Variants in ANKRD12 observed in about 807,000 individuals in gnomAD.
The protein encoded by ANKRD12 is ankyrin repeat domain-containing protein 12.
A neutral mutation model predicts 183.4 loss-of-function variants in ANKRD12; 85 were observed. The observed-to-expected ratio is 0.46, with a 90% CI of 0.39 to 0.56. The LOEUF (loss-of-function observed/expected upper bound fraction) is 0.56. ANKRD12 is among the 20% of genes least tolerant of loss of function. The pLI is 0.00. For synonymous variants in ANKRD12, 914 were observed against 800.2 expected, an observed-to-expected ratio of 1.14 and a Z score of -2.40; for missense variants, 2,405 against 2,357.1, an observed-to-expected ratio of 1.02 and a Z score of -0.42.
intron 1 of ANKRD12, among the ~76,000 whole-genome samples, chr18:9,157,942 A>T (rs913005299): frequency 6.6e-6 from 1 of 152,104 alleles, no homozygotes; most frequent in Non-Finnish European, 1.5e-5. Context: ...TCAAACTGAG[A>T]TGGGATATAG....
At chr18:9,167,842 T>C (rs2032250228) in intron 1 of ANKRD12, among the ~76,000 whole-genome samples, 2 of 152,230 alleles carry the variant, frequency 1.3e-5, no homozygotes, top group Non-Finnish European at 1.5e-5. Flanking sequence ...CAGTATGATA[T>C]TGGCTGTGGG....
intron 8 of ANKRD12, among the ~76,000 whole-genome samples, chr18:9,236,005 C>T (rs1283044766): frequency 6.6e-6 from 1 of 150,966 alleles, no homozygotes; most frequent in Non-Finnish European, 1.5e-5. Flanking sequence ...AAGGGAAAAG[C>T]CTTATATGTT....
chr18:9,203,762 A>C (rs2035319790), intron 3 of ANKRD12, among the ~76,000 whole-genome samples: 1 of 152,008 alleles, frequency 6.6e-6, no homozygotes, highest in Admixed American at 6.6e-5. Flanking sequence ...ATGCCACCAC[A>C]CCTGTCTAAT....
chr18:9,143,249 G>A (rs1218318735), intron 1 of ANKRD12, among the ~76,000 whole-genome samples: 1 of 152,130 alleles, frequency 6.6e-6, no homozygotes, highest in African/African-American at 2.4e-5. Context: ...CTCTAACTGG[G>A]TCTTTTTTAC....
chr18:9,164,922 C>G (rs1175607779), intron 1 of ANKRD12, among the ~76,000 whole-genome samples: 1 of 152,124 alleles, frequency 6.6e-6, no homozygotes, highest in Non-Finnish European at 1.5e-5. Flanking sequence ...TCTGCTTGAT[C>G]CAGAGCTGAA....
intron 8 of ANKRD12, among the ~76,000 whole-genome samples, chr18:9,237,343 C>G (rs1175488949): frequency 6.6e-6 from 1 of 152,196 alleles, no homozygotes; most frequent in Non-Finnish European, 1.5e-5. Flanking sequence ...GACAAATTGT[C>G]TCTATAACAT....
At chr18:9,211,357 A>G (rs907497754) in intron 5 of ANKRD12, among the ~76,000 whole-genome samples, 4 of 152,036 alleles carry the variant, frequency 2.6e-5, no homozygotes, top group African/African-American at 9.7e-5. Context: ...AATTTTATGA[A>G]TTGACAAAAC....
At chr18:9,262,823 G>C (rs2039059217) in intron 9 of ANKRD12, among the ~76,000 whole-genome samples, 1 of 90,804 alleles carries the variant, frequency 1.1e-5, no homozygotes, top group South Asian at 4.1e-4. Context: ...TTTTGAGACA[G>C]AGTCTCGCTC....
At chr18:9,151,507 G>T (rs1302106123) in intron 1 of ANKRD12, among the ~76,000 whole-genome samples, 1 of 152,120 alleles carries the variant, frequency 6.6e-6, no homozygotes, top group Non-Finnish European at 1.5e-5. Context: ...ACTGATGAAG[G>T]TCAACCAAAA....
chr18:9,229,079 G>A (rs942658739), intron 8 of ANKRD12, among the ~76,000 whole-genome samples: 1 of 152,048 alleles, frequency 6.6e-6, no homozygotes, highest in African/African-American at 2.4e-5. Flanking sequence ...TCGTCCCTCA[G>A]TGTATGTATG....
chr18:9,250,884 G>A (rs2038252595), intron 8 of ANKRD12, among the ~76,000 whole-genome samples: 1 of 152,214 alleles, frequency 6.6e-6, no homozygotes. Context: ...AGAGGAAGCA[G>A]TTGTGGAAGG....
intron 1 of ANKRD12, among the ~76,000 whole-genome samples, chr18:9,144,490 T>C (rs75253943): frequency 0.01 from 1,573 of 152,272 alleles, 22 homozygotes; most frequent in African/African-American, 0.036. Flanking sequence ...ATAGCTTTTG[T>C]ATACTCAGAT....
Position 9,255,037 on chromosome 18 carries a change from C to G in ANKRD12, c.1770C>G (p.Phe590Leu). The G allele has an allele frequency of 6.3e-7, 1 of 1,594,328 alleles. No homozygotes were observed. The highest frequency in any genetic ancestry group is 8.5e-7 in the Non-Finnish European group (1 of 1,173,132). The change falls in exon 9 of 13, where the codon TTC becomes TTG. Residue 590 changes from phenylalanine (F) to leucine (L), a missense_variant. This residue lies in a region of ANKRD12 where 1,983 missense variants were observed against 1,725.9 expected (regional missense o/e 1.15). Transcript: ENST00000262126. ...GGTATGATAATACAGAATCTGAATT[C>G]TTGCCAGAAAGTTCAAGTGTAAAAT... ...LVRYDNTESEFLPESSSVKSC... is the reference protein window; with the variant it reads ...LVRYDNTESELLPESSSVKSC...
intron 1 of ANKRD12, among the ~76,000 whole-genome samples, chr18:9,155,793 T>C (rs750418400): frequency 1.2e-4 from 18 of 152,212 alleles, no homozygotes; most frequent in Non-Finnish European, 1.9e-4. Context: ...TGATTTGTTA[T>C]ACCTCTTGGA....
intron 1 of ANKRD12, among the ~76,000 whole-genome samples, chr18:9,168,045 G>A (rs140674866): frequency 1.3e-5 from 2 of 152,196 alleles, no homozygotes; most frequent in Non-Finnish European, 2.9e-5. Context: ...TGTTGAACCA[G>A]CCTTGCATCC....
intron 1 of ANKRD12, among the ~76,000 whole-genome samples, chr18:9,166,537 T>C (rs1437097551): frequency 1.3e-5 from 2 of 152,214 alleles, no homozygotes; most frequent in Non-Finnish European, 2.9e-5. Context: ...AAGTGTCTGT[T>C]CATATCCTTC....
At chr18:9,221,351 T>C (rs1304647436) in intron 7 of ANKRD12, among the ~76,000 whole-genome samples, 2 of 152,112 alleles carry the variant, frequency 1.3e-5, no homozygotes, top group Non-Finnish European at 2.9e-5. Context: ...AAGTTTAAGC[T>C]TTGGAGTTAA....
At chr18:9,228,225 C>T (rs979319037) in intron 8 of ANKRD12, among the ~76,000 whole-genome samples, 2 of 152,142 alleles carry the variant, frequency 1.3e-5, no homozygotes, top group South Asian at 2.1e-4. Flanking sequence ...TCCATTCATC[C>T]GTTGATGGGC....
At chr18:9,230,783 C>G (rs150332521) in intron 8 of ANKRD12, among the ~76,000 whole-genome samples, 1 of 151,830 alleles carries the variant, frequency 6.6e-6, no homozygotes, top group Non-Finnish European at 1.5e-5. Flanking sequence ...CTCAGCCTCC[C>G]GAGCAGCTGG....
Sources: allele counts gnomAD v4.1 joint callset (sites outside exome capture counted in the v4.1 genomes callset), GRCh38; gene constraint gnomAD v4.1.1; regional missense constraint gnomAD v4.1.1; transcripts MANE v1.5; gene names NCBI Gene and HGNC (gene_info 2026-07-23, HGNC 2026-07-21).